The following LRMDA variants were observed in gnomAD, a reference collection of about 807,000 sequenced individuals.
LRMDA encodes the protein leucine rich melanocyte differentiation associated, also known as leucine-rich melanocyte differentiation-associated protein.
LRMDA carries 18 observed loss-of-function variants against 29.8 expected under a neutral mutation model. That is an observed-to-expected ratio of 0.60 (90% confidence interval 0.42 to 0.90). The LOEUF (loss-of-function observed/expected upper bound fraction) is 0.90. LRMDA is among the 40% of genes least tolerant of loss of function. The pLI is 0.00. For missense variants in LRMDA, 273 were observed against 273.9 expected, an observed-to-expected ratio of 1.00 and a Z score of 0.02; for synonymous variants, 125 against 109.4, an observed-to-expected ratio of 1.14 and a Z score of -0.89.
chr10:76,208,559 C>T (rs1268428939), intron 5 of LRMDA, among the ~76,000 whole-genome samples: 2 of 152,196 alleles, frequency 1.3e-5, no homozygotes, highest in African/African-American at 4.8e-5. Context: ...TACCCCAGAG[C>T]CTGGTCCAGC....
chr10:76,341,498 A>T (rs1358554870), intron 6 of LRMDA, among the ~76,000 whole-genome samples: 1 of 152,224 alleles, frequency 6.6e-6, no homozygotes, highest in Non-Finnish European at 1.5e-5. Context: ...AAGTCAACAT[A>T]AACACTCATT....
At chr10:76,009,384 G>A (rs1847732016) in intron 2 of LRMDA, among the ~76,000 whole-genome samples, 1 of 152,170 alleles carries the variant, frequency 6.6e-6, no homozygotes, top group African/African-American at 2.4e-5. Flanking sequence ...AAGGAAAATA[G>A]CCTTTTGATG....
chr10:76,538,350 G>GT (rs918808290), intron 6 of LRMDA, among the ~76,000 whole-genome samples: 13 of 149,342 alleles, frequency 8.7e-5, no homozygotes, highest in African/African-American at 2.2e-4. Flanking sequence ...GTGTATATGG[G>GT]TTTTTTTTTA....
rs149207327 is a variant in LRMDA, at chr10:75,832,901, C to T, written c.132-203107C>T. Among the ~76,000 whole-genome samples, 54 of 152,254 alleles carry T rather than the reference C, an allele frequency of 3.5e-4. No individual in the cohort carries two copies. The East Asian group carries it at 0.01, about 29-fold the overall frequency. ...CCTGCCCCCATGATTCAGTTGTCTCCCACTGGGCCCCTCCCACAACACTTG... is the reference window on the plus strand; with the variant it reads ...CCTGCCCCCATGATTCAGTTGTCTCTCACTGGGCCCCTCCCACAACACTTG... On this transcript the variant is annotated intron_variant, in intron 2 of 6. Coordinates refer to ENST00000611255, the MANE Select transcript of LRMDA (RefSeq NM_001305581.2).
rs1564571687 is a variant in LRMDA at position 75,802,339 on chromosome 10, A to ACACACACACACACACACACACACGCGCG, written c.132-233646_132-233645insGCGCGCACACACACACACACACACACAC. Among the ~76,000 whole-genome samples the ACACACACACACACACACACACACGCGCG allele has an allele frequency of 1.3e-4, 18 of 140,642 alleles. 1 individual carries two copies. The Admixed American group carries it at 1.3e-3, about 10-fold the overall frequency. 92.3% of individuals were successfully genotyped at this position (140,642 alleles called of 152,430 possible). Reference sequence around the variant, plus strand: ...TCTCTAAACACACACACACGCGCACACACACACACACACACACACACACAC... The same window carrying ACACACACACACACACACACACACGCGCG: ...TCTCTAAACACACACACACGCGCACACACACACACACACACACACACACGCGCGCACACACACACACACACACACACAC... On this transcript the variant is annotated intron_variant, in intron 2 of 6. Coordinates refer to ENST00000611255, the MANE Select transcript of LRMDA (RefSeq NM_001305581.2).
chr10:76,142,206 A>G (rs1269540536), intron 5 of LRMDA, among the ~76,000 whole-genome samples: 1 of 152,132 alleles, frequency 6.6e-6, no homozygotes. Flanking sequence ...GGTGCATGGA[A>G]TTGAATTAAT....
At chr10:75,984,883 C>T (rs1847237638) in intron 2 of LRMDA, among the ~76,000 whole-genome samples, 2 of 152,188 alleles carry the variant, frequency 1.3e-5, no homozygotes, top group Admixed American at 1.3e-4. Flanking sequence ...CTTAATGAGC[C>T]TCAATTCAGA....
rs544403509 is a variant in LRMDA, at chr10:75,673,772, A to G, written c.131+235278A>G. Reference sequence around the variant, plus strand: ...GAGACCTCAGTTGGACAGATAGTCAATATTCTTGCTTTATTCTCATTTCTC... The same window carrying G: ...GAGACCTCAGTTGGACAGATAGTCAGTATTCTTGCTTTATTCTCATTTCTC... On this transcript the variant is annotated intron_variant, in intron 2 of 6. Coordinates refer to ENST00000611255, the MANE Select transcript of LRMDA (RefSeq NM_001305581.2). Among the ~76,000 whole-genome samples, 34 of 152,298 alleles carry G rather than the reference A, an allele frequency of 2.2e-4. No individual in the cohort carries two copies. In the East Asian group the frequency reaches 5.6e-3, roughly 25 times the overall value.
intron 2 of LRMDA, among the ~76,000 whole-genome samples, chr10:75,889,138 T>G (rs1340403483): frequency 1.3e-5 from 2 of 152,176 alleles, no homozygotes; most frequent in African/African-American, 4.8e-5. Context: ...AGGGTGTTTG[T>G]GGAGTTTTGA....
rs72807462 is a variant in LRMDA, at chr10:75,436,264, A to G, written c.31-2130A>G. On this transcript the variant is annotated intron_variant, in intron 1 of 6. Coordinates refer to ENST00000611255, the MANE Select transcript of LRMDA (RefSeq NM_001305581.2). ...AGAAGTTTTGACAAACTGGGTGTCT[A>G]TTAGATTTAGTCCTTGGCCATTCTA... Among the ~76,000 whole-genome samples the G allele has an allele frequency of 8.8e-3, 1,333 of 152,184 alleles. 8 individuals are homozygous for G. Among genetic ancestry groups the G allele is most frequent in the Non-Finnish European group, 0.014 (975 of 68,000 alleles).
intron 5 of LRMDA, among the ~76,000 whole-genome samples, chr10:76,188,276 G>GT (rs1265285342): frequency 1.3e-5 from 2 of 152,192 alleles, no homozygotes; most frequent in Non-Finnish European, 2.9e-5. Flanking sequence ...GCACTCTGTA[G>GT]TTTAAGAAAA....
At chr10:75,474,621 C>T (rs567593438) in intron 2 of LRMDA, among the ~76,000 whole-genome samples, 1 of 152,342 alleles carries the variant, frequency 6.6e-6, no homozygotes, top group East Asian at 1.9e-4. Context: ...CTTGCTACTA[C>T]AACAGACCCT....
At chr10:75,666,463 G>T (rs913199640) in intron 2 of LRMDA, among the ~76,000 whole-genome samples, 3 of 151,634 alleles carry the variant, frequency 2.0e-5, no homozygotes, top group African/African-American at 7.3e-5. Flanking sequence ...TATCTGAATT[G>T]CAGTATGTTT....
intron 2 of LRMDA, chr10:75,782,669 G>A (rs1843403680): frequency 9.3e-7 from 1 of 1,074,270 alleles, no homozygotes; most frequent in Admixed American, 4.2e-5. Flanking sequence ...AGTCCTCGCT[G>A]CCGGTGCAGT....
chr10:75,910,212 G>A (rs1845821394), intron 2 of LRMDA, among the ~76,000 whole-genome samples: 1 of 152,072 alleles, frequency 6.6e-6, no homozygotes, highest in Non-Finnish European at 1.5e-5. Context: ...AATGCATTTT[G>A]TCAGTGTGGA....
In LRMDA at chr10:76,371,708, C is replaced by T. The variant is rs568240332; in HGVS notation, c.601+47223C>T. On this transcript the variant is annotated intron_variant, in intron 6 of 6. Coordinates refer to ENST00000611255, the MANE Select transcript of LRMDA (RefSeq NM_001305581.2). ...GTAACTTCTTTCTCCTTTATTCTTC[C>T]ATATGCTAGGTGAGTTGGATAGGGG... Among the ~76,000 whole-genome samples the T allele has an allele frequency of 1.0e-3, 155 of 152,212 alleles. 1 individual carries two copies. The highest frequency in any genetic ancestry group is 3.7e-3 in the African/African-American group (152 of 41,538).
At chr10:75,574,943 A>G (rs1232009705) in intron 2 of LRMDA, among the ~76,000 whole-genome samples, 2 of 152,214 alleles carry the variant, frequency 1.3e-5, no homozygotes, top group African/African-American at 4.8e-5. Flanking sequence ...ACTGTTCTGC[A>G]GGCTGTAGAG....
chr10:76,488,883 G>A (rs1842807315), intron 6 of LRMDA, among the ~76,000 whole-genome samples: 1 of 151,712 alleles, frequency 6.6e-6, no homozygotes, highest in Non-Finnish European at 1.5e-5. Flanking sequence ...ATGTGGTTGA[G>A]TTTGGTTTAC....
At chr10:76,167,961 G>T (rs1165708477) in intron 5 of LRMDA, among the ~76,000 whole-genome samples, 2 of 151,898 alleles carry the variant, frequency 1.3e-5, no homozygotes, top group Admixed American at 6.6e-5. Context: ...CCTTTTAGAG[G>T]TCTTTCACTT....
Sources: allele counts gnomAD v4.1 joint callset (sites outside exome capture counted in the v4.1 genomes callset), GRCh38; gene constraint gnomAD v4.1.1; transcripts MANE v1.5; gene names NCBI Gene and HGNC (gene_info 2026-07-23, HGNC 2026-07-21).